Variants in SENP5 observed in about 807,000 individuals in gnomAD.
The protein encoded by SENP5 is sentrin-specific protease 5.
Under a neutral mutation model 74.2 loss-of-function variants are expected in SENP5, and 21 were observed. The ratio of observed to expected loss-of-function variants is 0.28; its 90% CI spans 0.20 to 0.41. The LOEUF is 0.41. Ranked by LOEUF, SENP5 falls within the 10% of genes least tolerant of loss-of-function variation. The probability of loss-of-function intolerance (pLI) is 1.00; values close to 1 mark genes in which losing one functional copy is unlikely to be tolerated. For missense variants in SENP5, 717 were observed against 889.1 expected, an observed-to-expected ratio of 0.81 and a Z score of 2.46; for synonymous variants, 311 against 312.7, an observed-to-expected ratio of 0.99 and a Z score of 0.06.
chr3:196,929,269 T>G, intron 8 of SENP5: 1 of 217,454 alleles, frequency 4.6e-6, no homozygotes, highest in South Asian at 7.2e-5. Context: ...GTTGTCGCCA[T>G]CCTAGCATCC....
At position 196,923,467 on chromosome 3, in the gene SENP5, C is replaced by T. The variant is rs897095247; in HGVS notation, c.1938C>T (p.His646=). The change falls in exon 7 of 10, where the codon CAC becomes CAT. Residue 646 remains histidine (H), a synonymous_variant. Coordinates refer to ENST00000323460, the MANE Select transcript of SENP5 (RefSeq NM_152699.5). ...LLLIPIHLEV[H]WSLITVTLSN... is the part of the protein sequence containing the mutation. Reference sequence around the variant, plus strand: ...TGATTCCTATTCACCTGGAAGTCCACTGGTCTCTCATTACTGTGACACTCT... The same window carrying T: ...TGATTCCTATTCACCTGGAAGTCCATTGGTCTCTCATTACTGTGACACTCT... 6.2e-7 allele frequency: 1 copy of T among 1,611,878 alleles called. No individual in the cohort carries two copies. The highest frequency in any genetic ancestry group is 1.3e-5 in the African/African-American group (1 of 74,862).
chr3:196,902,043 A>C (rs1714722416), intron 5 of SENP5, among the ~76,000 whole-genome samples: 1 of 152,212 alleles, frequency 6.6e-6, no homozygotes, highest in African/African-American at 2.4e-5. Flanking sequence ...TCTGATGGAC[A>C]CCAATTTTGA....
chr3:196,893,675 C>T (rs904160998), intron 2 of SENP5, among the ~76,000 whole-genome samples: 5 of 151,900 alleles, frequency 3.3e-5, no homozygotes, highest in African/African-American at 1.2e-4. Flanking sequence ...TTTGGGAGGC[C>T]GAGGTGGGTG....
At position 196,923,154 on chromosome 3, in the gene SENP5, C is replaced by T. The variant is rs181657950; in HGVS notation, c.1885-260C>T. Among the ~76,000 whole-genome samples the T allele has an allele frequency of 1.8e-3, 269 of 152,358 alleles. 1 individual carries two copies. The highest frequency in any genetic ancestry group is 2.9e-3 in the Non-Finnish European group (196 of 68,028). On this transcript the variant is annotated intron_variant, in intron 6 of 9. Transcript: ENST00000323460. Reference sequence around the variant, plus strand: ...TGAGGTAAACAAGGAGCCAAGTCTTCAGGCACTTGACACACAGGTTTAGTA... The same window carrying T: ...TGAGGTAAACAAGGAGCCAAGTCTTTAGGCACTTGACACACAGGTTTAGTA...
intron 8 of SENP5, among the ~76,000 whole-genome samples, chr3:196,928,491 T>C (rs751807789): frequency 3.9e-5 from 6 of 152,206 alleles, no homozygotes; most frequent in Non-Finnish European, 7.3e-5. Context: ...ACCTGTGAGG[T>C]AGGCAGGTCA....
intron 6 of SENP5, among the ~76,000 whole-genome samples, chr3:196,922,919 A>C (rs1360758185): frequency 1.3e-5 from 2 of 151,820 alleles, no homozygotes. Context: ...GCCCGGCCTG[A>C]TTTTTTATTT....
chr3:196,892,093 C>A (rs1210650946), intron 2 of SENP5, among the ~76,000 whole-genome samples: 3 of 149,616 alleles, frequency 2.0e-5, no homozygotes, highest in Non-Finnish European at 4.4e-5. Flanking sequence ...CCCGGCCGAC[C>A]TTGACTCTTA....
intron 2 of SENP5, 59 bp from the exon 3 acceptor site, chr3:196,899,607 G>A: frequency 1.0e-6 from 1 of 998,594 alleles, no homozygotes; most frequent in East Asian, 2.4e-5. Context: ...TTTGGAGAAT[G>A]ACTCTACTGA....
chr3:196,881,871 C>T (rs1345397092), intron 1 of SENP5, among the ~76,000 whole-genome samples: 2 of 124,676 alleles, frequency 1.6e-5, no homozygotes, highest in African/African-American at 3.0e-5. Context: ...GTAATATTTG[C>T]TTTTGCTTCT....
intron 1 of SENP5, among the ~76,000 whole-genome samples, chr3:196,876,197 C>T (rs1713458755): frequency 6.6e-6 from 1 of 152,116 alleles, no homozygotes; most frequent in African/African-American, 2.4e-5. Context: ...TTTTACATGT[C>T]CCTAAGCTTA....
chr3:196,873,576 C>T (rs983601512), intron 1 of SENP5, among the ~76,000 whole-genome samples: 1 of 151,782 alleles, frequency 6.6e-6, no homozygotes, highest in East Asian at 2.0e-4. Context: ...CGTGGTGGCT[C>T]ACGCCTGTAA....
chr3:196,893,764 G>T (rs575696163), intron 2 of SENP5, among the ~76,000 whole-genome samples: 1 of 152,036 alleles, frequency 6.6e-6, no homozygotes, highest in Non-Finnish European at 1.5e-5. Flanking sequence ...ACAAAAATTA[G>T]CCAGGCATGG....
chr3:196,883,432 C>A (rs1006975412), intron 1 of SENP5, among the ~76,000 whole-genome samples: 3 of 152,132 alleles, frequency 2.0e-5, no homozygotes, highest in Non-Finnish European at 2.9e-5. Flanking sequence ...GGGGAATTCA[C>A]GGTGTAAACT....
Position 196,902,018 on chromosome 3 carries a change from A to C in SENP5, c.1807-1515A>C, listed in dbSNP as rs192429796. 1.7e-3 allele frequency among the ~76,000 whole-genome samples: 264 copies of C among 152,358 alleles called. 1 individual carries two copies. The highest frequency in any genetic ancestry group is 2.7e-3 in the Non-Finnish European group (186 of 68,036). On this transcript the variant is annotated intron_variant, in intron 5 of 9. Coordinates refer to ENST00000323460, the MANE Select transcript of SENP5 (RefSeq NM_152699.5). ...GGGACCACCGATTTGTGTTTTGACA[A>C]GCTCTCTAGATGATTCTGATGGACA...
At position 196,885,191 on chromosome 3, in the gene SENP5, CAG is replaced by C. The variant is rs1357968997; in HGVS notation, c.13_14del (p.Arg5GlufsTer14). 8.7e-6 allele frequency: 14 copies of C among 1,608,346 alleles called. No homozygotes were observed. The highest frequency in any genetic ancestry group is 1.2e-5 in the Non-Finnish European group (14 of 1,177,942). ...ATTATGCATCAGAAAAATGAAAAAA[CAG>C]AGGAAAATTCTATGGAGGAAAGGAA... The part of the protein sequence containing the change: MKK[Q>X]RKILWRKGIH... On this transcript the variant is annotated frameshift_variant, in exon 2 of 10. Transcript: ENST00000323460. LOFTEE classifies it high-confidence loss of function.
intron 6 of SENP5, among the ~76,000 whole-genome samples, chr3:196,911,732 C>A (rs1715142595): frequency 6.6e-6 from 1 of 152,088 alleles, no homozygotes; most frequent in African/African-American, 2.4e-5. Context: ...ATCGCTTGAA[C>A]CTGAGAGGCA....
chr3:196,868,584 C>T (rs1205380249), intron 1 of SENP5, among the ~76,000 whole-genome samples: 1 of 152,194 alleles, frequency 6.6e-6, no homozygotes, highest in Non-Finnish European at 1.5e-5. Flanking sequence ...GCTCTACGCC[C>T]TGTGGCCACT....
intron 6 of SENP5, among the ~76,000 whole-genome samples, chr3:196,920,745 C>A (rs191721176): frequency 1.7e-4 from 26 of 152,290 alleles, no homozygotes; most frequent in African/African-American, 6.3e-4. Context: ...AGCAGATGAA[C>A]CTATGGTTTT....
chr3:196,869,296 C>G (rs927614206), intron 1 of SENP5, among the ~76,000 whole-genome samples: 4 of 151,908 alleles, frequency 2.6e-5, no homozygotes, highest in African/African-American at 9.7e-5. Context: ...CTCCTCCTCC[C>G]AGGTTCAAGC....
Sources: gnomAD v4.1 joint callset for allele counts (sites outside exome capture counted in the v4.1 genomes callset) on GRCh38, gnomAD v4.1.1 for gene constraint, MANE v1.5 for transcripts, NCBI Gene and HGNC (gene_info 2026-07-23, HGNC 2026-07-21) for gene names.